The following MLC1 variants were observed in gnomAD, a reference collection of about 807,000 sequenced individuals.
The protein encoded by MLC1 is membrane protein MLC1.
MLC1 carries 32 observed loss-of-function variants against 44.7 expected under a neutral mutation model. The observed-to-expected ratio is 0.72, with a 90% CI of 0.54 to 0.96. The LOEUF is 0.96. Ranked by LOEUF, MLC1 falls within the 40% of genes least tolerant of loss-of-function variation. The pLI is 0.00. For synonymous variants in MLC1, 190 were observed against 213.0 expected, an observed-to-expected ratio of 0.89 and a Z score of 0.94; for missense variants, 459 against 492.2, an observed-to-expected ratio of 0.93 and a Z score of 0.64.
In MLC1 at chr22:50,079,973, G is replaced by C; in HGVS notation, c.368C>G (p.Thr123Ser). ...ILFVSTFAVTTTCLIWFGCKL... is the reference protein window; with the variant it reads ...ILFVSTFAVTSTCLIWFGCKL... ...GCATCCAAACCAAATTAAACACGTA[G>C]TGGTCACAGCAAACGTGGAAACAAA... The change falls in exon 5 of 12, where the codon ACT (threonine) becomes AGT (serine). Residue 123 changes from threonine to serine, a missense_variant. Transcript: ENST00000311597. 6.2e-7 allele frequency: 1 copy of C among 1,614,176 alleles called. No individual in the cohort carries two copies. The highest frequency in any genetic ancestry group is 8.5e-7 in the Non-Finnish European group (1 of 1,179,988).
Position 50,059,508 on chromosome 22 carries a change from TAAG to T in MLC1, c.*2072_*2074del, listed in dbSNP as rs1355947448. 6.6e-6 allele frequency: 1 copy of T among 152,100 alleles called. No homozygotes were observed. The highest frequency in any genetic ancestry group is 1.5e-5 in the Non-Finnish European group (1 of 67,982). 9.4% of individuals were successfully genotyped at this position (152,100 alleles called of 1,614,324 possible). Reference sequence around the variant, plus strand: ...TTTTAAGCGCTCTAAAATAAGAAAATAAGAAAGTGCAAGCCAGCAAAAACGCTC... The same window carrying T: ...TTTTAAGCGCTCTAAAATAAGAAAATAAAGTGCAAGCCAGCAAAAACGCTC... On this transcript the variant is annotated 3_prime_UTR_variant, in exon 12 of 12. Transcript: ENST00000311597.
intron 10 of MLC1, among the ~76,000 whole-genome samples, chr22:50,066,866 GA>G (rs959161791): frequency 8.7e-5 from 13 of 150,048 alleles, no homozygotes; most frequent in Non-Finnish European, 1.9e-4. Flanking sequence ...ATTTTAAAAA[GA>G]AAAAAAGCAC....
chr22:50,061,521 G>A lies in MLC1; in HGVS notation c.*62C>T. On this transcript the variant is annotated 3_prime_UTR_variant, in exon 12 of 12. Coordinates refer to ENST00000311597, the MANE Select transcript of MLC1 (RefSeq NM_015166.4). ...AAGCAGTAGCTCAGGGCGATTAGGG[G>A]TTGTGCGTTTCCATGCTTGGGGCCA... is the stretch of plus-strand genomic sequence containing the variant. 2 of 1,516,028 alleles carry A rather than the reference G, an allele frequency of 1.3e-6. No homozygotes were observed. The highest frequency in any genetic ancestry group is 1.7e-5 in the Admixed American group (1 of 59,906). The allele number at this position is 1,516,028 out of a possible 1,614,324, so 93.9% of individuals were successfully genotyped here.
chr22:50,084,991 ACT>A, intron 1 of MLC1, 30 bp from the exon 2 acceptor site: 1 of 1,564,386 alleles, frequency 6.4e-7, no homozygotes, highest in Non-Finnish European at 8.6e-7. Context: ...GGCTTTGGCC[ACT>A]CTGAGGAAAC....
In MLC1 at chr22:50,077,556, C is replaced by T. The variant is rs543350262; in HGVS notation, c.424-54G>A. 68 of 1,444,266 alleles carry T rather than the reference C, an allele frequency of 4.7e-5. No individual in the cohort carries two copies. The African/African-American group carries it at 8.0e-4, about 17-fold the overall frequency. 89.5% of individuals were successfully genotyped at this position (1,444,266 alleles called of 1,614,324 possible). A position where few individuals can be genotyped will look rare whatever the true frequency, so the allele number is the denominator to read the frequency against. On this transcript the variant is annotated intron_variant, in intron 5 of 11. Coordinates refer to ENST00000311597, the MANE Select transcript of MLC1 (RefSeq NM_015166.4). ...CGGGCCCGCCTTTCTCACGCCACCG[C>T]GCTTCAGCGTCCACCGGACCACCTC...
At chr22:50,080,624 C>T (rs1177932721) in intron 3 of MLC1, among the ~76,000 whole-genome samples, 2 of 152,142 alleles carry the variant, frequency 1.3e-5, no homozygotes, top group South Asian at 2.1e-4. Flanking sequence ...CTGATCTTAA[C>T]TTTGGGCTCA....
chr22:50,062,111 CCCCAGTTGTCCA>C (rs2061573764), intron 11 of MLC1, among the ~76,000 whole-genome samples: 1 of 151,516 alleles, frequency 6.6e-6, no homozygotes, highest in African/African-American at 2.4e-5. Context: ...CCACCCTGAG[CCCCAGTTGTCCA>C]CCCTGAGCCC....
intron 10 of MLC1, among the ~76,000 whole-genome samples, chr22:50,067,588 C>T (rs111844417): frequency 1.1e-5 from 1 of 92,974 alleles, no homozygotes; most frequent in Non-Finnish European, 2.1e-5. Context: ...GCAGTGACTC[C>T]ATCCCCCGTC....
chr22:50,077,828 A>G (rs535597478), intron 5 of MLC1, among the ~76,000 whole-genome samples: 2 of 152,248 alleles, frequency 1.3e-5, no homozygotes, highest in East Asian at 3.9e-4. Flanking sequence ...CGGAATGTTT[A>G]GAGTAGCTTC....
rs202099352 is a variant in MLC1 at position 50,083,213 on chromosome 22, C to T, written c.178-40G>A. ...CAGAATCCCAGGTTACAACGCGCCC[C>T]GTCCCCAGGCTGGACCCTGACCCTT... On this transcript the variant is annotated intron_variant, in intron 2 of 11. Transcript: ENST00000311597. The surrounding 1 kb of genome is among the most constrained non-coding windows in gnomAD (Gnocchi z 4.6). 5.1e-6 allele frequency: 8 copies of T among 1,560,652 alleles called. No homozygotes were observed. The highest frequency in any genetic ancestry group is 2.2e-5 in the East Asian group (1 of 44,570).
intron 7 of MLC1, among the ~76,000 whole-genome samples, chr22:50,076,554 CAAAA>C (rs1262682508): frequency 8.8e-6 from 1 of 113,426 alleles, no homozygotes. Context: ...GACTCCGTCT[CAAAA>C]AAAAAAAAAA....
rs540785111 is a variant in MLC1, at chr22:50,068,271, T to C, written c.894+162A>G. 8.5e-5 allele frequency among the ~76,000 whole-genome samples: 13 copies of C among 152,304 alleles called. 1 individual carries two copies. In the East Asian group the frequency reaches 2.1e-3, roughly 25 times the overall value. ...CCGAGGCCCTGGGGCCAGGCTGGCA[T>C]TGGGGAGCACGGTCACCGCTGCCCA... On this transcript the variant is annotated intron_variant, in intron 10 of 11. Transcript: ENST00000311597.
intron 10 of MLC1, among the ~76,000 whole-genome samples, chr22:50,066,195 A>G (rs2146789391): frequency 6.6e-6 from 1 of 151,732 alleles, no homozygotes; most frequent in South Asian, 2.1e-4. Context: ...AAGTAAATAC[A>G]TAATTAAAAA....
intron 10 of MLC1, among the ~76,000 whole-genome samples, chr22:50,066,112 C>T (rs958418301): frequency 3.3e-5 from 5 of 151,828 alleles, no homozygotes; most frequent in African/African-American, 1.2e-4. Context: ...CCAAGGTGGG[C>T]GGATCGCTTG....
rs141225099 is a variant in MLC1 at position 50,064,161 on chromosome 22, A to T, written c.932T>A (p.Val311Glu). The T allele has an allele frequency of 1.0e-3, 1,660 of 1,606,162 alleles. 21 individuals are homozygous for T. In the African/African-American group the frequency reaches 0.02, roughly 19 times the overall value. The stretch of plus-strand genomic sequence containing the variant: ...GTTGAGGCCGGCCTGCAGCAGGAGC[A>T]CTAGCAGCAGCAGCAGCAGCAGCAC... ...YDVLLLLLLL[V>E]LLLQAGLNTG... is the part of the protein sequence containing the mutation. The change falls in exon 11 of 12, where the codon GTG becomes GAG. Residue 311 changes from valine to glutamate, a missense_variant. Physicochemically the swap from Val to Glu is moderately radical, Grantham distance 121 (BLOSUM62 -2). Transcript: ENST00000311597.
chr22:50,068,665 T>G, intron 9 of MLC1, 110 bp from the exon 10 acceptor site: 1 of 1,184,664 alleles, frequency 8.4e-7, no homozygotes, highest in Non-Finnish European at 1.2e-6. Flanking sequence ...ATGGGCATAG[T>G]CCCAAGCTGG....
At chr22:50,062,789 G>C (rs938962043) in intron 11 of MLC1, among the ~76,000 whole-genome samples, 4 of 152,254 alleles carry the variant, frequency 2.6e-5, no homozygotes, top group African/African-American at 9.6e-5. Context: ...AGTCCTAGTG[G>C]TCACTGCACC....
At chr22:50,070,471 AGGCCC>A in intron 9 of MLC1, 51 bp downstream of exon 9, 1 of 1,493,498 alleles carries the variant, frequency 6.7e-7, no homozygotes, top group Non-Finnish European at 9.1e-7. Flanking sequence ...GGGCTAGGCC[AGGCCC>A]TGGCCCCGCT....
chr22:50,068,559 GA>G lies in MLC1; in HGVS notation c.772-5del. The G allele has an allele frequency of 2.1e-6, 3 of 1,430,352 alleles. No individual in the cohort carries two copies. Among genetic ancestry groups the G allele is most frequent in the African/African-American group, 1.5e-5 (1 of 68,738 alleles). The allele number at this position is 1,430,352 out of a possible 1,614,324, so 88.6% of individuals were successfully genotyped here. A position where few individuals can be genotyped will look rare whatever the true frequency, so the allele number is the denominator to read the frequency against. On this transcript the variant is annotated splice_region_variant and splice_polypyrimidine_tract_variant and intron_variant, in intron 9 of 11. Coordinates refer to ENST00000311597, the MANE Select transcript of MLC1 (RefSeq NM_015166.4). ...TTATGGCAATCAGGACCTCCACCTG[GA>G]AAAAAAGCGCGGGTTGCAGGACCAC...
Sources: allele counts gnomAD v4.1 joint callset (sites outside exome capture counted in the v4.1 genomes callset), GRCh38; gene constraint gnomAD v4.1.1; non-coding constraint Gnocchi (gnomAD v3.1); transcripts MANE v1.5; gene names NCBI Gene and HGNC (gene_info 2026-07-23, HGNC 2026-07-21).